Variants in INO80D observed in about 807,000 individuals in gnomAD.
INO80D encodes the protein INO80 complex subunit D.
INO80D carries 21 observed loss-of-function variants against 87.6 expected under a neutral mutation model. The observed-to-expected ratio is 0.24, with a 90% CI of 0.17 to 0.35. The LOEUF is 0.35. Ranked by LOEUF, INO80D falls within the 10% of genes least tolerant of loss-of-function variation. INO80D has a pLI of 1.00. For missense variants in INO80D, 982 were observed against 1,280.7 expected, an observed-to-expected ratio of 0.77 and a Z score of 3.56; for synonymous variants, 440 against 491.0, an observed-to-expected ratio of 0.90 and a Z score of 1.37.
chr2:206,008,804 A>G (rs1688094732), intron 9 of INO80D, among the ~76,000 whole-genome samples: 1 of 152,236 alleles, frequency 6.6e-6, no homozygotes, highest in Non-Finnish European at 1.5e-5. Flanking sequence ...TGGTGTATCA[A>G]GTGTGTCTTA....
chr2:206,039,870 T>A (rs1360296833), intron 5 of INO80D, among the ~76,000 whole-genome samples: 1 of 151,088 alleles, frequency 6.6e-6, no homozygotes, highest in African/African-American at 2.4e-5. Context: ...ATGTTATTTT[T>A]AAAAACTGTA....
chr2:206,028,316 C>G lies in INO80D; in HGVS notation c.1093G>C (p.Glu365Gln). The G allele has an allele frequency of 6.2e-7, 1 of 1,600,038 alleles. No homozygotes were observed. Reference sequence around the variant, plus strand: ...TGAGTCACCCTGGAGCTCCTACTCTCCGCATCATCATCATCTGACCTGGAA... The same window carrying G: ...TGAGTCACCCTGGAGCTCCTACTCTGCGCATCATCATCATCTGACCTGGAA... ...QRHASDDDDA[E>Q]SRSSRVTQLC... Residue 365 changes from glutamate (E) to glutamine (Q), a missense_variant, in exon 6 of 11, where the codon GAG (glutamate) becomes CAG (glutamine). By Grantham distance (29) the Glu-to-Gln change is conservative. Transcript: ENST00000403263.
At chr2:206,065,760 A>G (rs1051517908) in intron 1 of INO80D, among the ~76,000 whole-genome samples, 1 of 152,252 alleles carries the variant, frequency 6.6e-6, no homozygotes, top group East Asian at 1.9e-4. Flanking sequence ...AAGAAGGCAT[A>G]CAAATGGCTA....
chr2:206,072,840 T>C (rs1223165133), intron 1 of INO80D, among the ~76,000 whole-genome samples: 2 of 139,442 alleles, frequency 1.4e-5, no homozygotes, highest in Non-Finnish European at 3.0e-5. Context: ...AATCTAACTT[T>C]CTTCTCTTTT....
Position 206,062,840 on chromosome 2 carries a change from G to A in INO80D, c.177C>T (p.Ser59=). ...KQCEYVAKYN[S]QRCTNPIPKS... is the part of the protein sequence containing the mutation. ...TGGGGATGGGGTTGGTGCAGCGTTGGCTGTTATACTTGGCCACATATTCAC... is the reference window on the plus strand; with the variant it reads ...TGGGGATGGGGTTGGTGCAGCGTTGACTGTTATACTTGGCCACATATTCAC... The change falls in exon 3 of 11, where the codon AGC becomes AGT. Residue 59 remains serine (S), a synonymous_variant. Coordinates refer to ENST00000403263, the MANE Select transcript of INO80D (RefSeq NM_017759.5). This position sits in a 1 kb window ranked among gnomAD's most constrained non-coding sequence, Gnocchi z 4.6. The A allele has an allele frequency of 6.2e-7, 1 of 1,612,864 alleles. No homozygotes were observed. Among genetic ancestry groups the A allele is most frequent in the Non-Finnish European group, 8.5e-7 (1 of 1,179,614 alleles).
intron 1 of INO80D, among the ~76,000 whole-genome samples, chr2:206,067,084 C>T (rs1689836895): frequency 2.5e-5 from 2 of 81,228 alleles, no homozygotes; most frequent in Non-Finnish European, 5.0e-5. Context: ...CCTGTCTCTA[C>T]TAAAAATACA....
At chr2:206,023,680 T>TAAA (rs55665575) in intron 6 of INO80D, among the ~76,000 whole-genome samples, 22 of 101,494 alleles carry the variant, frequency 2.2e-4, no homozygotes, top group African/African-American at 6.6e-4. Flanking sequence ...GAGACTCATC[T>TAAA]AAAAAAAAAA....
intron 6 of INO80D, among the ~76,000 whole-genome samples, chr2:206,026,577 T>C (rs1688621152): frequency 6.6e-6 from 1 of 150,974 alleles, no homozygotes; most frequent in Non-Finnish European, 1.5e-5. Context: ...AAAATAGCCA[T>C]AATTAAAATA....
At chr2:206,075,983 T>G in intron 1 of INO80D, among the ~76,000 whole-genome samples, 1 of 141,928 alleles carries the variant, frequency 7.0e-6, no homozygotes, top group Admixed American at 7.3e-5. Context: ...ACCCGGGAGG[T>G]GGAGGTTGCA....
At position 206,022,445 on chromosome 2, in the gene INO80D, CAACA is replaced by C. The variant is rs1273767576; in HGVS notation, c.1299-2604_1299-2601del. On this transcript the variant is annotated intron_variant, in intron 6 of 10. Coordinates refer to ENST00000403263, the MANE Select transcript of INO80D (RefSeq NM_017759.5). The stretch of plus-strand genomic sequence containing the variant: ...ATATATTTTATTATCCAAATAAGCC[CAACA>C]AACAAAGGGAATTACCAAAACTTTT... Among the ~76,000 whole-genome samples the C allele has an allele frequency of 3.3e-5, 5 of 151,978 alleles. No individual in the cohort carries two copies. The South Asian group carries it at 8.3e-4, about 25-fold the overall frequency.
chr2:206,012,163 CTTACTACAGAAT>C (rs1474606067), intron 8 of INO80D, among the ~76,000 whole-genome samples: 1 of 152,150 alleles, frequency 6.6e-6, no homozygotes, highest in Non-Finnish European at 1.5e-5. Flanking sequence ...CTAAAGGCTA[CTTACTACAGAAT>C]TCCCTTTCTA....
At chr2:206,075,341 A>C (rs1242567049) in intron 1 of INO80D, among the ~76,000 whole-genome samples, 5 of 152,094 alleles carry the variant, frequency 3.3e-5, no homozygotes, top group African/African-American at 1.2e-4. Flanking sequence ...TTTCAGAAAC[A>C]TGTTCATTTC....
At chr2:206,059,247 G>A (rs999062884) in intron 3 of INO80D, among the ~76,000 whole-genome samples, 1 of 151,968 alleles carries the variant, frequency 6.6e-6, no homozygotes, top group African/African-American at 2.4e-5. Flanking sequence ...CGGGTGTGGT[G>A]GTGTGCGCCT....
chr2:206,050,147 A>T (rs1689311772), intron 4 of INO80D, among the ~76,000 whole-genome samples: 1 of 152,026 alleles, frequency 6.6e-6, no homozygotes, highest in Non-Finnish European at 1.5e-5. Flanking sequence ...AAAGAAAAAA[A>T]AAATTTAAAA....
Position 206,019,796 on chromosome 2 carries a change from T to A in INO80D, c.1348A>T (p.Thr450Ser), listed in dbSNP as rs369566340. The A allele has an allele frequency of 4.3e-6, 7 of 1,613,914 alleles. No individual in the cohort carries two copies. Among genetic ancestry groups the A allele is most frequent in the Non-Finnish European group, 5.9e-6 (7 of 1,179,852 alleles). The change falls in exon 7 of 11, where the codon ACC (threonine) becomes TCC (serine). Residue 450 changes from threonine to serine, a missense_variant. By Grantham distance (58) the Thr-to-Ser change is moderately conservative. Coordinates refer to ENST00000403263, the MANE Select transcript of INO80D (RefSeq NM_017759.5). ...REVEPAACSG[T>S]VKGEQCANKA... Reference sequence around the variant, plus strand: ...TTAGCGCACTGTTCACCCTTCACGGTTCCACTGCATGCTGCTGGTTCCACC... The same window carrying A: ...TTAGCGCACTGTTCACCCTTCACGGATCCACTGCATGCTGCTGGTTCCACC...
rs963528668 is a variant in INO80D at position 205,997,773 on chromosome 2, A to G, written c.*6595T>C. On this transcript the variant is annotated 3_prime_UTR_variant, in exon 11 of 11. Transcript: ENST00000403263. Reference sequence around the variant, plus strand: ...AGAGCTAGCCTTTTAACATAAGATAACATAATGATTAATTTGGTGTATTTA... The same window carrying G: ...AGAGCTAGCCTTTTAACATAAGATAGCATAATGATTAATTTGGTGTATTTA... 6.6e-6 allele frequency: 1 copy of G among 152,226 alleles called. No homozygotes were observed. Among genetic ancestry groups the G allele is most frequent in the Non-Finnish European group, 1.5e-5 (1 of 68,008 alleles). The allele number at this position is 152,226 out of a possible 1,614,324, so 9.4% of individuals were successfully genotyped here. A position where few individuals can be genotyped will look rare whatever the true frequency, so the allele number is the denominator to read the frequency against.
At chr2:206,025,812 AG>A (rs1428707425) in intron 6 of INO80D, 1 of 152,148 alleles carries the variant, frequency 6.6e-6, no homozygotes, top group Admixed American at 6.6e-5. Context: ...ACTGAATTCC[AG>A]CCTGGGCGAC....
chr2:206,023,601 T>A (rs1436756012), intron 6 of INO80D, among the ~76,000 whole-genome samples: 1 of 150,874 alleles, frequency 6.6e-6, no homozygotes, highest in African/African-American at 2.4e-5. Flanking sequence ...AAGAATTGCT[T>A]GAACCCAGGA....
In INO80D at chr2:206,002,067, G is replaced by A. The variant is rs1341836480; in HGVS notation, c.*2301C>T. On this transcript the variant is annotated 3_prime_UTR_variant, in exon 11 of 11. Coordinates refer to ENST00000403263, the MANE Select transcript of INO80D (RefSeq NM_017759.5). ...GAAAAAGTTCAAATCGACTACCCAC[G>A]ACTTTCCCTTCCTTGTCAAAGGGCT... 2 of 152,142 alleles carry A rather than the reference G, an allele frequency of 1.3e-5. No homozygotes were observed. Among genetic ancestry groups the A allele is most frequent in the Admixed American group, 6.6e-5 (1 of 15,262 alleles). 9.4% of individuals were successfully genotyped at this position (152,142 alleles called of 1,614,324 possible).
Sources: allele counts gnomAD v4.1 joint callset (sites outside exome capture counted in the v4.1 genomes callset), GRCh38; gene constraint gnomAD v4.1.1; non-coding constraint Gnocchi (gnomAD v3.1); transcripts MANE v1.5; gene names NCBI Gene and HGNC (gene_info 2026-07-23, HGNC 2026-07-21).